Variants in BROX observed in about 807,000 individuals in gnomAD.
The protein encoded by BROX is BRO1 domain and CAAX motif containing, also known as BRO1 domain-containing protein BROX.
A neutral mutation model predicts 61.0 loss-of-function variants in BROX; 53 were observed. That is an observed-to-expected ratio of 0.87 (90% confidence interval 0.70 to 1.09). BROX has a LOEUF of 1.09. Among genes scored for constraint, BROX ranks in the 50% least tolerant of loss-of-function variants. The probability of loss-of-function intolerance (pLI) is 0.00; values close to 1 mark genes in which losing one functional copy is unlikely to be tolerated. For synonymous variants in BROX, 152 were observed against 160.2 expected (o/e 0.95, Z 0.38); for missense variants, 489 against 472.0 (o/e 1.04, Z -0.33).
rs950793861 is a variant in BROX, at chr1:222,718,821, ATGTG to A, written c.102-96_102-93del. 34 of 835,244 alleles carry A rather than the reference ATGTG, an allele frequency of 4.1e-5. No individual in the cohort carries two copies. The African/African-American group carries it at 5.3e-4, about 13-fold the overall frequency. 51.7% of individuals were successfully genotyped at this position (835,244 alleles called of 1,614,324 possible). A position where few individuals can be genotyped will look rare whatever the true frequency, so the allele number is the denominator to read the frequency against. On this transcript the variant is annotated intron_variant, in intron 2 of 12. Coordinates refer to ENST00000340934, the MANE Select transcript of BROX (RefSeq NM_144695.4). ...ACATTGAAACCTGGTGCGTGTGTGT[ATGTG>A]TGTGTGTTTTAAAGCTTTTACATTG...
At chr1:222,713,123 A>T in intron 1 of BROX, 181 bp downstream of exon 1, 4 of 999,996 alleles carry the variant, frequency 4.0e-6, no homozygotes, top group Non-Finnish European at 4.8e-6. Flanking sequence ...GGTCACCACA[A>T]ATCAGTGGCA....
In BROX at chr1:222,727,270, T is replaced by G. The variant is rs748510757; in HGVS notation, c.670+13T>G. 12 of 1,571,610 alleles carry G rather than the reference T, an allele frequency of 7.6e-6. No homozygotes were observed. The East Asian group carries it at 2.7e-4, about 35-fold the overall frequency. On this transcript the variant is annotated intron_variant, in intron 8 of 12. Transcript: ENST00000340934. ...TATCAAAAAGCTGGTAAGCTTCTAATTCTGTCGTTACATTTTTAGTCTTTA... is the reference window on the plus strand; with the variant it reads ...TATCAAAAAGCTGGTAAGCTTCTAAGTCTGTCGTTACATTTTTAGTCTTTA...
At chr1:222,714,511 G>A (rs1244067424) in intron 1 of BROX, among the ~76,000 whole-genome samples, 1 of 148,240 alleles carries the variant, frequency 6.7e-6, no homozygotes, top group African/African-American at 2.5e-5. Context: ...TTTTTAAGTA[G>A]AAGGCATGGA....
At position 222,733,739 on chromosome 1, in the gene BROX, T is replaced by C. The variant is rs1227443213; in HGVS notation, c.*1025T>C. The C allele has an allele frequency of 1.3e-5, 2 of 152,354 alleles. No homozygotes were observed. Among genetic ancestry groups the C allele is most frequent in the Admixed American group, 6.5e-5 (1 of 15,300 alleles). 9.4% of individuals were successfully genotyped at this position (152,354 alleles called of 1,614,324 possible). ...AACCCTGCAATGATTTTTACAAATATCTTTTTCTAGTGGGTTTTTTACTTA... is the reference window on the plus strand; with the variant it reads ...AACCCTGCAATGATTTTTACAAATACCTTTTTCTAGTGGGTTTTTTACTTA... On this transcript the variant is annotated 3_prime_UTR_variant, in exon 13 of 13. Coordinates refer to ENST00000340934, the MANE Select transcript of BROX (RefSeq NM_144695.4).
intron 2 of BROX, among the ~76,000 whole-genome samples, chr1:222,716,620 C>T (rs1656641106): frequency 6.6e-6 from 1 of 152,162 alleles, no homozygotes; most frequent in Admixed American, 6.6e-5. Flanking sequence ...GGAACACAGC[C>T]AGCCCCACAT....
chr1:222,716,401 A>G (rs1341249219), intron 2 of BROX, among the ~76,000 whole-genome samples: 1 of 152,190 alleles, frequency 6.6e-6, no homozygotes, highest in East Asian at 1.9e-4. Context: ...GCCCAGCTCT[A>G]TAGGGACATT....
Position 222,715,752 on chromosome 1 carries a change from T to G in BROX, c.53T>G (p.Phe18Cys), listed in dbSNP as rs1309516966. ...NPLKATAPVSFNYYGVVTGPS... is the reference protein window; with the variant it reads ...NPLKATAPVSCNYYGVVTGPS... Reference sequence around the variant, plus strand: ...TTAAAAGCCACAGCTCCTGTGTCTTTTAATTACTATGGTGTAGTCACTGGC... The same window carrying G: ...TTAAAAGCCACAGCTCCTGTGTCTTGTAATTACTATGGTGTAGTCACTGGC... Residue 18 changes from phenylalanine to cysteine, a missense_variant, in exon 2 of 13, where the codon TTT (phenylalanine) becomes TGT (cysteine). Phe to Cys is a radical substitution (Grantham distance 205, BLOSUM62 -2). Transcript: ENST00000340934. 6.3e-7 allele frequency: 1 copy of G among 1,597,552 alleles called. No individual in the cohort carries two copies. The highest frequency in any genetic ancestry group is 1.1e-5 in the South Asian group (1 of 88,366).
chr1:222,718,819 G>A (rs1558227626), intron 2 of BROX, 106 bp from the exon 3 acceptor site: 1 of 829,288 alleles, frequency 1.2e-6, no homozygotes, highest in Admixed American at 2.1e-5. Context: ...GTGCGTGTGT[G>A]TATGTGTGTG....
intron 7 of BROX, 40 bp downstream of exon 7, chr1:222,725,595 A>G (rs1657445416): frequency 6.8e-7 from 1 of 1,470,620 alleles, no homozygotes; most frequent in African/African-American, 1.4e-5. Flanking sequence ...ATGAAAGTCT[A>G]TATTGTCATT....
Position 222,731,250 on chromosome 1 carries a change from C to A in BROX, c.990-107C>A, listed in dbSNP as rs188101432. Reference sequence around the variant, plus strand: ...ACTTTCCTACATAAGGCAGAAAAACCTCTTATCCATCATTAAATTGTCATT... The same window carrying A: ...ACTTTCCTACATAAGGCAGAAAAACATCTTATCCATCATTAAATTGTCATT... On this transcript the variant is annotated intron_variant, in intron 11 of 12. Coordinates refer to ENST00000340934, the MANE Select transcript of BROX (RefSeq NM_144695.4). 5.9e-4 allele frequency: 578 copies of A among 978,304 alleles called. 5 individuals carry two copies. The highest frequency in any genetic ancestry group is 4.5e-3 in the East Asian group (149 of 33,292). The allele number at this position is 978,304 out of a possible 1,614,324, so 60.6% of individuals were successfully genotyped here.
At chr1:222,727,401 A>G (rs1034682608) in intron 8 of BROX, 144 bp downstream of exon 8, 7 of 661,680 alleles carry the variant, frequency 1.1e-5, no homozygotes, top group Non-Finnish European at 1.6e-5. Context: ...TGCATTTAAA[A>G]TAGAGCTGTT....
Position 222,725,496 on chromosome 1 carries a change from A to C in BROX, c.521A>C (p.Asp174Ala), listed in dbSNP as rs200101252. ...KLITPAEKGR[D>A]LESRLIEAYV... Reference sequence around the variant, plus strand: ...ATTACACCTGCGGAAAAAGGAAGAGATTTAGAGTCACGACTCATAGAAGCA... The same window carrying C: ...ATTACACCTGCGGAAAAAGGAAGAGCTTTAGAGTCACGACTCATAGAAGCA... Residue 174 changes from aspartate to alanine, a missense_variant, in exon 7 of 13, where the codon GAT becomes GCT. Physicochemically the swap from Asp to Ala is moderately radical, Grantham distance 126 (BLOSUM62 -2). Transcript: ENST00000340934. 1.4e-4 allele frequency: 225 copies of C among 1,613,342 alleles called. No individual in the cohort carries two copies. The highest frequency in any genetic ancestry group is 1.6e-4 in the Non-Finnish European group (190 of 1,179,770).
At chr1:222,713,372 T>C in intron 1 of BROX, 3 of 983,360 alleles carry the variant, frequency 3.1e-6, no homozygotes, top group Non-Finnish European at 3.6e-6. Flanking sequence ...AGAGGCTGGG[T>C]GGTAAACAGG....
At chr1:222,717,048 A>G (rs1440379826) in intron 2 of BROX, among the ~76,000 whole-genome samples, 1 of 152,234 alleles carries the variant, frequency 6.6e-6, no homozygotes, top group African/African-American at 2.4e-5. Context: ...AAGCGATGAC[A>G]ACAAAAGATA....
rs897102991 is a variant in BROX at position 222,731,517 on chromosome 1, G to A, written c.1149+1G>A. The A allele has an allele frequency of 2.5e-6, 4 of 1,572,220 alleles. No homozygotes were observed. The highest frequency in any genetic ancestry group is 2.2e-5 in the Admixed American group (1 of 45,526). On this transcript the variant is annotated splice_donor_variant, in intron 12 of 12. Transcript: ENST00000340934. LOFTEE classifies it high-confidence loss of function. ...CACCAAAAGACCCAAGGATGACAGTGTATGAGATTGTTTTTTTTTTTCCCT... is the reference window on the plus strand; with the variant it reads ...CACCAAAAGACCCAAGGATGACAGTATATGAGATTGTTTTTTTTTTTCCCT...
rs1658035359 is a variant in BROX at position 222,732,729 on chromosome 1, T to C, written c.*15T>C. The stretch of plus-strand genomic sequence containing the variant: ...ACATCTCCTAAAATACAACTTGCAC[T>C]TAGAATTTCTCTAGCAGTAAATAAG... On this transcript the variant is annotated 3_prime_UTR_variant, in exon 13 of 13. Transcript: ENST00000340934. 6.3e-7 allele frequency: 1 copy of C among 1,580,146 alleles called. No individual in the cohort carries two copies. Among genetic ancestry groups the C allele is most frequent in the Non-Finnish European group, 8.7e-7 (1 of 1,153,386 alleles).
At position 222,727,367 on chromosome 1, in the gene BROX, A is replaced by G. The variant is rs1657583657; in HGVS notation, c.670+110A>G. 4.0e-6 allele frequency: 3 copies of G among 748,060 alleles called. No homozygotes were observed. In the South Asian group the frequency reaches 4.8e-5, roughly 12 times the overall value. The allele number at this position is 748,060 out of a possible 1,614,324, so 46.3% of individuals were successfully genotyped here. A position where few individuals can be genotyped will look rare whatever the true frequency, so the allele number is the denominator to read the frequency against. ...TTCTCAGATTCTGTCATTATTTGCA[A>G]AACTGGAGTAATATTTTATTTATTG... On this transcript the variant is annotated intron_variant, in intron 8 of 12. Transcript: ENST00000340934.
At chr1:222,718,892 C>A in intron 2 of BROX, 33 bp from the exon 3 acceptor site, 1 of 1,555,738 alleles carries the variant, frequency 6.4e-7, no homozygotes, top group South Asian at 1.1e-5. Flanking sequence ...TGCAGTACAG[C>A]TAACTTTACT....
At position 222,730,116 on chromosome 1, in the gene BROX, A is replaced by C; in HGVS notation, c.928A>C (p.Arg310=). 1 of 1,613,216 alleles carries C rather than the reference A, an allele frequency of 6.2e-7. No individual in the cohort carries two copies. Among genetic ancestry groups the C allele is most frequent in the Non-Finnish European group, 8.5e-7 (1 of 1,179,454 alleles). ...CAAACCTTCAGGACATCTGTTCTTT[A>C]GGAAACTTGGAAACCTTGTGAAGAA... ...TVKPSGHLFF[R]KLGNLVKNTL... is the part of the protein sequence containing the mutation. Residue 310 remains arginine, a synonymous_variant, in exon 11 of 13, where the codon AGG becomes CGG. Transcript: ENST00000340934.
Sources: allele counts gnomAD v4.1 joint callset (sites outside exome capture counted in the v4.1 genomes callset), GRCh38; gene constraint gnomAD v4.1.1; transcripts MANE v1.5; gene names NCBI Gene and HGNC (gene_info 2026-07-23, HGNC 2026-07-21).